Variants in PEBP4 observed in about 807,000 individuals in gnomAD.
PEBP4 encodes phosphatidylethanolamine-binding protein 4.
A neutral mutation model predicts 23.9 loss-of-function variants in PEBP4; 22 were observed. The observed-to-expected ratio is 0.92, with a 90% CI of 0.66 to 1.31. The LOEUF (loss-of-function observed/expected upper bound fraction) is 1.31, where lower values mean the gene tolerates loss of function less well. Ranked by LOEUF, PEBP4 falls within the 40% of genes most tolerant of loss-of-function variation. PEBP4 has a pLI of 0.00. For missense variants in PEBP4, 324 were observed against 281.7 expected, an observed-to-expected ratio of 1.15 and a Z score of -1.07; for synonymous variants, 112 against 99.3, an observed-to-expected ratio of 1.13 and a Z score of -0.76.
At chr8:22,845,170 C>T (rs185299252) in intron 3 of PEBP4, among the ~76,000 whole-genome samples, 2 of 152,138 alleles carry the variant, frequency 1.3e-5, no homozygotes, top group African/African-American at 2.4e-5. Flanking sequence ...GGAAGACTTT[C>T]CAACAGTCAG....
intron 4 of PEBP4, among the ~76,000 whole-genome samples, chr8:22,733,236 T>C (rs1804776163): frequency 6.6e-6 from 1 of 152,184 alleles, no homozygotes; most frequent in African/African-American, 2.4e-5. Context: ...TTGTGACCTA[T>C]GAGACGCTCG....
Position 22,845,259 on chromosome 8 carries a change from C to T in PEBP4, c.259-27524G>A, listed in dbSNP as rs544754273. On this transcript the variant is annotated intron_variant, in intron 3 of 6. Transcript: ENST00000256404. The stretch of plus-strand genomic sequence containing the variant: ...AAAGTAAATCCATCATCAGACCAGA[C>T]GCAGTGGCTCACGCCTGTAACCCCA... Among the ~76,000 whole-genome samples the T allele has an allele frequency of 3.3e-4, 50 of 151,892 alleles. 1 individual carries two copies. In the South Asian group the frequency reaches 9.0e-3, roughly 27 times the overall value.
intron 2 of PEBP4, among the ~76,000 whole-genome samples, chr8:22,920,961 G>A (rs1338114953): frequency 6.6e-6 from 1 of 152,188 alleles, no homozygotes; most frequent in South Asian, 2.1e-4. Flanking sequence ...ACCAGTTCAT[G>A]TATTTGCTCC....
At chr8:22,772,032 A>G (rs927549838) in intron 4 of PEBP4, among the ~76,000 whole-genome samples, 1 of 152,138 alleles carries the variant, frequency 6.6e-6, no homozygotes, top group African/African-American at 2.4e-5. Context: ...CCACTGGTTC[A>G]CCCTTGAAGT....
rs375267457 is a variant in PEBP4 at position 22,869,096 on chromosome 8, A to G, written c.258+51088T>C. On this transcript the variant is annotated intron_variant, in intron 3 of 6. Coordinates refer to ENST00000256404, the MANE Select transcript of PEBP4 (RefSeq NM_144962.3). The stretch of plus-strand genomic sequence containing the variant: ...AACACACCAGGCACTCCCCTGCCTC[A>G]TGGCCTTTGTACTGGCTGGCCCCTC... 2.0e-4 allele frequency among the ~76,000 whole-genome samples: 31 copies of G among 152,282 alleles called. 1 individual carries two copies. In the East Asian group the frequency reaches 5.0e-3, roughly 25 times the overall value.
chr8:22,779,670 T>C (rs1398190484), intron 4 of PEBP4, among the ~76,000 whole-genome samples: 3 of 152,222 alleles, frequency 2.0e-5, no homozygotes, highest in Admixed American at 1.3e-4. Context: ...CAAATATCTA[T>C]GAACCACTGA....
At chr8:22,792,997 A>T (rs959884427) in intron 4 of PEBP4, among the ~76,000 whole-genome samples, 20 of 152,236 alleles carry the variant, frequency 1.3e-4, no homozygotes, top group African/African-American at 4.8e-4. Context: ...GTACAATTTT[A>T]AAATTGGATT....
At chr8:22,813,133 C>G (rs1330322722) in intron 4 of PEBP4, among the ~76,000 whole-genome samples, 1 of 152,174 alleles carries the variant, frequency 6.6e-6, no homozygotes, top group Non-Finnish European at 1.5e-5. Flanking sequence ...GAAAAAACCT[C>G]TAATTATGGA....
At chr8:22,724,759 C>A (rs939772660) in intron 6 of PEBP4, 84 bp downstream of exon 6, 6 of 1,059,850 alleles carry the variant, frequency 5.7e-6, no homozygotes, top group Non-Finnish European at 8.6e-6. Flanking sequence ...GGGTCAAGGC[C>A]CCAATTTCCC....
intron 4 of PEBP4, among the ~76,000 whole-genome samples, chr8:22,798,245 G>C (rs1035188524): frequency 6.6e-6 from 1 of 152,138 alleles, no homozygotes; most frequent in Admixed American, 6.5e-5. Context: ...TAATTCTGGA[G>C]AGAATGCTCT....
At chr8:22,846,965 C>T (rs563717140) in intron 3 of PEBP4, among the ~76,000 whole-genome samples, 2 of 152,164 alleles carry the variant, frequency 1.3e-5, no homozygotes, top group South Asian at 2.1e-4. Context: ...AGTTTGAAAC[C>T]AGCCTGGGCA....
chr8:22,920,162 T>C, intron 3 of PEBP4, 22 bp downstream of exon 3: 1 of 1,579,310 alleles, frequency 6.3e-7, no homozygotes, highest in Non-Finnish European at 8.6e-7. Flanking sequence ...CCCCCCGCTT[T>C]AACACAGCCC....
intron 3 of PEBP4, among the ~76,000 whole-genome samples, chr8:22,837,099 G>A (rs969672508): frequency 7.2e-5 from 11 of 152,026 alleles, no homozygotes; most frequent in Admixed American, 2.0e-4. Context: ...TCAAAGTCAC[G>A]CCCAATTCTT....
intron 3 of PEBP4, among the ~76,000 whole-genome samples, chr8:22,859,732 T>C (rs916175294): frequency 1.3e-5 from 2 of 152,210 alleles, no homozygotes; most frequent in Non-Finnish European, 2.9e-5. Context: ...TCTCCTATTA[T>C]GTCCCTCCTC....
At chr8:22,804,917 T>G (rs1232486588) in intron 4 of PEBP4, among the ~76,000 whole-genome samples, 2 of 152,164 alleles carry the variant, frequency 1.3e-5, no homozygotes, top group African/African-American at 4.8e-5. Context: ...TGCTGTTCCC[T>G]CGGCCCGGCT....
At position 22,818,446 on chromosome 8, in the gene PEBP4, A is replaced by G. The variant is rs112053788; in HGVS notation, c.259-711T>C. On this transcript the variant is annotated intron_variant, in intron 3 of 6. Transcript: ENST00000256404. ...TGCTATGAAGGTCTTCAGGTGGGAA[A>G]AAAGTAGGCTTTGAGGAGCAAGAAA... 8.2e-3 allele frequency among the ~76,000 whole-genome samples: 1,245 copies of G among 152,306 alleles called. 17 individuals are homozygous for G. Among genetic ancestry groups the G allele is most frequent in the African/African-American group, 0.028 (1,174 of 41,554 alleles).
chr8:22,852,796 TAA>T (rs568169809), intron 3 of PEBP4, among the ~76,000 whole-genome samples: 1 of 148,786 alleles, frequency 6.7e-6, no homozygotes, highest in Non-Finnish European at 1.5e-5. Flanking sequence ...AATTAACAAT[TAA>T]AAAAAAAAGA....
upstream of PEBP4, among the ~76,000 whole-genome samples, chr8:22,931,995 T>C (rs950005806): frequency 2.0e-5 from 3 of 152,206 alleles, no homozygotes; most frequent in South Asian, 2.1e-4. Flanking sequence ...AACTTCAAAT[T>C]TGGAACAGTC....
At chr8:22,820,948 C>T (rs1806845231) in intron 3 of PEBP4, among the ~76,000 whole-genome samples, 1 of 152,012 alleles carries the variant, frequency 6.6e-6, no homozygotes, top group Non-Finnish European at 1.5e-5. Flanking sequence ...AATCCCAACA[C>T]TTTGGGAGGC....
Sources: gnomAD v4.1 joint callset for allele counts (sites outside exome capture counted in the v4.1 genomes callset) on GRCh38, gnomAD v4.1.1 for gene constraint, MANE v1.5 for transcripts, NCBI Gene and HGNC (gene_info 2026-07-23, HGNC 2026-07-21) for gene names.